The following DEPDC5 variants were observed in gnomAD, a reference collection of about 807,000 sequenced individuals.
DEPDC5 encodes the protein GATOR1 complex protein DEPDC5.
In DEPDC5, 73 loss-of-function variants were observed where a neutral mutation model predicts 217.3. The ratio of observed to expected loss-of-function variants is 0.34; its 90% CI spans 0.28 to 0.41. DEPDC5 has a LOEUF of 0.41. DEPDC5 is among the 10% of genes least tolerant of loss of function. The pLI is 1.00. For synonymous variants in DEPDC5, 733 were observed against 756.7 expected (o/e 0.97, Z 0.51); for missense variants, 1,675 against 2,070.1 (o/e 0.81, Z 3.70).
chr22:31,777,267 T>G (rs1444349869), intron 7 of DEPDC5, among the ~76,000 whole-genome samples: 2 of 148,516 alleles, frequency 1.3e-5, no homozygotes, highest in Non-Finnish European at 3.0e-5. Flanking sequence ...GCCCTAAGTT[T>G]TTTTTTTTTT....
intron 27 of DEPDC5, among the ~76,000 whole-genome samples, 169 bp downstream of exon 27, chr22:31,839,014 T>C (rs2091226485): frequency 6.6e-6 from 1 of 152,232 alleles, no homozygotes; most frequent in Non-Finnish European, 1.5e-5. Flanking sequence ...TAGGTATGGA[T>C]TTATTTTAAA....
intron 3 of DEPDC5, 46 bp downstream of exon 3, chr22:31,758,679 C>A: frequency 6.5e-7 from 1 of 1,543,922 alleles, no homozygotes; most frequent in South Asian, 1.1e-5. Flanking sequence ...TCACTGTTTC[C>A]AAATGATGTC....
intron 3 of DEPDC5, among the ~76,000 whole-genome samples, chr22:31,760,418 A>G (rs2082293353): frequency 6.6e-6 from 1 of 151,750 alleles, no homozygotes. Context: ...GTTAGCCAGG[A>G]TGGTCTCGAT....
intron 24 of DEPDC5, among the ~76,000 whole-genome samples, chr22:31,824,912 C>A (rs1734490440): frequency 6.7e-6 from 1 of 149,624 alleles, no homozygotes; most frequent in Admixed American, 6.7e-5. Flanking sequence ...GGAGGTGGAG[C>A]TTGCAGTGAG....
intron 14 of DEPDC5, among the ~76,000 whole-genome samples, chr22:31,799,796 G>A (rs947608735): frequency 5.1e-5 from 7 of 135,942 alleles, no homozygotes; most frequent in Admixed American, 5.1e-4. Context: ...CACCATGCCC[G>A]GCCTTTTTTT....
chr22:31,774,525 T>A (rs2083646153), intron 7 of DEPDC5, among the ~76,000 whole-genome samples: 1 of 151,248 alleles, frequency 6.6e-6, no homozygotes. Flanking sequence ...AGAGGTCCTG[T>A]GAATGTGGGG....
At chr22:31,866,327 G>A (rs1036584712) in intron 33 of DEPDC5, among the ~76,000 whole-genome samples, 1 of 151,986 alleles carries the variant, frequency 6.6e-6, no homozygotes, top group African/African-American at 2.4e-5. Context: ...CCAATCTTGG[G>A]TACCACATTG....
intron 20 of DEPDC5, among the ~76,000 whole-genome samples, chr22:31,811,553 G>A (rs1471502212): frequency 1.4e-5 from 2 of 138,116 alleles, no homozygotes; most frequent in Non-Finnish European, 3.2e-5. Context: ...TATGGTAGTT[G>A]TTTTTTTTTT....
intron 33 of DEPDC5, among the ~76,000 whole-genome samples, chr22:31,869,684 G>A (rs1380462250): frequency 1.3e-5 from 2 of 152,148 alleles, no homozygotes; most frequent in Non-Finnish European, 2.9e-5. Flanking sequence ...TCATTTGGCT[G>A]GACACATACA....
chr22:31,765,234 G>A (rs1023314725), intron 5 of DEPDC5, among the ~76,000 whole-genome samples, 174 bp downstream of exon 5: 4 of 152,138 alleles, frequency 2.6e-5, no homozygotes, highest in African/African-American at 9.7e-5. Flanking sequence ...GATCACTTGA[G>A]GCCAGGAGTT....
rs553625749 is a variant in DEPDC5, at chr22:31,783,989, C to T, written c.562+4C>T. 2.2e-5 allele frequency: 35 copies of T among 1,612,900 alleles called. No individual in the cohort carries two copies. In the South Asian group the frequency reaches 3.6e-4, roughly 17 times the overall value. On this transcript the variant is annotated splice_donor_region_variant and intron_variant, in intron 9 of 42. Coordinates refer to ENST00000651528, the MANE Select transcript of DEPDC5 (RefSeq NM_001242896.3). ...ATGTGGGATTTTGATATTTATGGTA[C>T]TGTGTCTATGTGCTGATTGTAACTG...
chr22:31,857,513 G>T lies in DEPDC5; in HGVS notation c.3224G>T (p.Ser1075Ile), dbSNP rs1399730598. Residue 1075 changes from serine to isoleucine, a missense_variant, in exon 32 of 43, where the codon AGC becomes ATC. By Grantham distance (142) the Ser-to-Ile change is moderately radical. Transcript: ENST00000651528. ...TCCGCCCAGTCAGCCGAGAGCAGCA[G>T]CGTTGCCATGACTCCCACCTACATG... The part of the protein sequence containing the change: ...KSSAQSAESS[S>I]VAMTPTYMDS... 6.2e-7 allele frequency: 1 copy of T among 1,612,438 alleles called. No homozygotes were observed. The highest frequency in any genetic ancestry group is 1.1e-5 in the South Asian group (1 of 90,474).
In DEPDC5 at chr22:31,831,497, G is replaced by T. The variant is rs536469789; in HGVS notation, c.2105-2418G>T. Among the ~76,000 whole-genome samples, 3 of 152,038 alleles carry T rather than the reference G, an allele frequency of 2.0e-5. No homozygotes were observed. The South Asian group carries it at 6.2e-4, about 32-fold the overall frequency. On this transcript the variant is annotated intron_variant, in intron 24 of 42. Transcript: ENST00000651528. Reference sequence around the variant, plus strand: ...TTTTCAGACAGAGTCTTGCTCTGTGGCCCAGGCTGGAGTGCAGTGGTGTGA... The same window carrying T: ...TTTTCAGACAGAGTCTTGCTCTGTGTCCCAGGCTGGAGTGCAGTGGTGTGA...
At chr22:31,785,256 T>G (rs554335792) in intron 10 of DEPDC5, 95 of 160,878 alleles carry the variant, frequency 5.9e-4, no homozygotes, top group Non-Finnish European at 1.1e-3. Flanking sequence ...TGATCCTATA[T>G]GTAGAAAATC....
chr22:31,776,529 C>G (rs1031638027), intron 7 of DEPDC5, among the ~76,000 whole-genome samples: 2 of 149,018 alleles, frequency 1.3e-5, no homozygotes, highest in African/African-American at 5.0e-5. Flanking sequence ...TCAGGCCAGT[C>G]AAGTCTGAAA....
At chr22:31,869,027 G>C (rs950544283) in intron 33 of DEPDC5, among the ~76,000 whole-genome samples, 1 of 152,048 alleles carries the variant, frequency 6.6e-6, no homozygotes, top group Admixed American at 6.6e-5. Flanking sequence ...AGGATCAGTT[G>C]AACCCAGGAG....
intron 8 of DEPDC5, among the ~76,000 whole-genome samples, chr22:31,781,937 A>G (rs1235666890): frequency 1.3e-5 from 2 of 152,144 alleles, no homozygotes; most frequent in South Asian, 4.2e-4. Context: ...AGGCTAAGGC[A>G]GGATGATCAC....
intron 14 of DEPDC5, among the ~76,000 whole-genome samples, chr22:31,801,166 C>G (rs2086832374): frequency 6.6e-6 from 1 of 151,726 alleles, no homozygotes; most frequent in African/African-American, 2.4e-5. Context: ...CATGGTGGTG[C>G]ATGCCTGTCA....
intron 8 of DEPDC5, among the ~76,000 whole-genome samples, chr22:31,782,076 A>AT (rs1042484940): frequency 1.3e-5 from 2 of 151,934 alleles, no homozygotes; most frequent in African/African-American, 4.8e-5. Context: ...AGAACCTTGC[A>AT]TATTTATTAT....
Sources: gnomAD v4.1 joint callset for allele counts (sites outside exome capture counted in the v4.1 genomes callset) on GRCh38, gnomAD v4.1.1 for gene constraint, MANE v1.5 for transcripts, NCBI Gene and HGNC (gene_info 2026-07-23, HGNC 2026-07-21) for gene names.